Variants in TMEM106B observed in about 807,000 individuals in gnomAD.
The protein encoded by TMEM106B is transmembrane protein 106B.
Under a neutral mutation model 31.1 loss-of-function variants are expected in TMEM106B, and 15 were observed. The ratio of observed to expected loss-of-function variants is 0.48; its 90% CI spans 0.32 to 0.74. TMEM106B has a LOEUF of 0.74. Among genes scored for constraint, TMEM106B ranks in the 30% least tolerant of loss-of-function variants. TMEM106B has a pLI of 0.03. For missense variants in TMEM106B, 283 were observed against 327.3 expected (o/e 0.86, Z 1.04); for synonymous variants, 126 against 112.5 (o/e 1.12, Z -0.76).
At chr7:12,226,144 C>G (rs1334914472) in intron 4 of TMEM106B, among the ~76,000 whole-genome samples, 2 of 143,784 alleles carry the variant, frequency 1.4e-5, no homozygotes, top group African/African-American at 5.2e-5. Context: ...TTTCCCCATT[C>G]TTGTTTTTGT....
chr7:12,228,336 C>T (rs1001678981), intron 4 of TMEM106B, among the ~76,000 whole-genome samples: 1 of 151,652 alleles, frequency 6.6e-6, no homozygotes, highest in African/African-American at 2.4e-5. Context: ...TTTATGTATA[C>T]TCACATATTC....
rs1782205286 is a variant in TMEM106B at position 12,239,635 on chromosome 7, TTA to T, written c.*7661_*7662del. 2.6e-5 allele frequency: 4 copies of T among 152,118 alleles called. No homozygotes were observed. The highest frequency in any genetic ancestry group is 9.7e-5 in the African/African-American group (4 of 41,430). 9.4% of individuals were successfully genotyped at this position (152,118 alleles called of 1,614,324 possible). ...GTGACTCTTCCTTTTACTTGAACAG[TTA>T]GAGGCTATTGTAGGATTATTAATTG... On this transcript the variant is annotated 3_prime_UTR_variant, in exon 8 of 8. Coordinates refer to ENST00000396668, the MANE Select transcript of TMEM106B (RefSeq NM_001134232.2).
At chr7:12,218,972 A>G (rs974708418) in intron 3 of TMEM106B, among the ~76,000 whole-genome samples, 2 of 152,176 alleles carry the variant, frequency 1.3e-5, no homozygotes, top group Non-Finnish European at 2.9e-5. Context: ...ACTTTGTCCC[A>G]AAAGAAGAGG....
At chr7:12,220,142 AAAAC>A (rs1332650403) in intron 3 of TMEM106B, among the ~76,000 whole-genome samples, 1 of 152,218 alleles carries the variant, frequency 6.6e-6, no homozygotes, top group Non-Finnish European at 1.5e-5. Context: ...TCAGGAAAAT[AAAAC>A]AAACCAAGGA....
chr7:12,221,495 G>C (rs915425759), intron 3 of TMEM106B, among the ~76,000 whole-genome samples: 1 of 152,132 alleles, frequency 6.6e-6, no homozygotes, highest in Non-Finnish European at 1.5e-5. Flanking sequence ...GACCCAAATA[G>C]AATAATGCCT....
Position 12,243,190 on chromosome 7 carries a change from T to C in TMEM106B, c.*11215T>C, listed in dbSNP as rs1324156325. The C allele has an allele frequency of 6.6e-6, 1 of 152,114 alleles. No individual in the cohort carries two copies. Among genetic ancestry groups the C allele is most frequent in the African/African-American group, 2.4e-5 (1 of 41,460 alleles). 9.4% of individuals were successfully genotyped at this position (152,114 alleles called of 1,614,324 possible). On this transcript the variant is annotated 3_prime_UTR_variant, in exon 8 of 8. Coordinates refer to ENST00000396668, the MANE Select transcript of TMEM106B (RefSeq NM_001134232.2). ...AGGAGGCCATTACATTACTGTTGTATTAAAAAGTCAGTTCAGGCTTAATAT... is the reference window on the plus strand; with the variant it reads ...AGGAGGCCATTACATTACTGTTGTACTAAAAAGTCAGTTCAGGCTTAATAT...
rs1330832752 is a variant in TMEM106B, at chr7:12,235,039, T to C, written c.*3064T>C. 3 of 152,198 alleles carry C rather than the reference T, an allele frequency of 2.0e-5. No individual in the cohort carries two copies. The highest frequency in any genetic ancestry group is 4.4e-5 in the Non-Finnish European group (3 of 67,824). 9.4% of individuals were successfully genotyped at this position (152,198 alleles called of 1,614,324 possible). On this transcript the variant is annotated 3_prime_UTR_variant, in exon 8 of 8. Coordinates refer to ENST00000396668, the MANE Select transcript of TMEM106B (RefSeq NM_001134232.2). The stretch of plus-strand genomic sequence containing the variant: ...TCCCTGCTGACTCAGATTGGTATGA[T>C]TAAAAATGAGAGGAAAGTTCAAATA...
At chr7:12,228,617 C>G (rs13230513) in intron 4 of TMEM106B, among the ~76,000 whole-genome samples, 1 of 151,534 alleles carries the variant, frequency 6.6e-6, no homozygotes, top group East Asian at 1.9e-4. Context: ...TCTGTGGAAT[C>G]GGTGCTCAGA....
Position 12,233,860 on chromosome 7 carries a change from A to G in TMEM106B, c.*1885A>G, listed in dbSNP as rs1233372409. 6.6e-6 allele frequency: 1 copy of G among 151,494 alleles called. No homozygotes were observed. The highest frequency in any genetic ancestry group is 1.5e-5 in the Non-Finnish European group (1 of 67,664). The allele number at this position is 151,494 out of a possible 1,614,324, so 9.4% of individuals were successfully genotyped here. On this transcript the variant is annotated 3_prime_UTR_variant, in exon 8 of 8. Coordinates refer to ENST00000396668, the MANE Select transcript of TMEM106B (RefSeq NM_001134232.2). ...CAAAATTTTTAATTATGTGACTTCA[A>G]AAATCACCTGTATCTGTAGTAGGGC...
intron 2 of TMEM106B, chr7:12,215,792 G>T: frequency 5.7e-6 from 1 of 174,026 alleles, no homozygotes; most frequent in South Asian, 1.7e-4. Context: ...AAGAAACTCT[G>T]TGAAGAGGGA....
chr7:12,230,225 A>T lies in TMEM106B; in HGVS notation c.583-164A>T, dbSNP rs1781992737. 3 of 677,822 alleles carry T rather than the reference A, an allele frequency of 4.4e-6. 1 individual carries two copies. In the Admixed American group the frequency reaches 7.7e-5, roughly 17 times the overall value. 42.0% of individuals were successfully genotyped at this position (677,822 alleles called of 1,614,324 possible). The stretch of plus-strand genomic sequence containing the variant: ...AGTGAGATCCTGTCTCAAAAAAGAA[A>T]AAAAAGAAAAAGAAATGTGTCTTAT... On this transcript the variant is annotated intron_variant, in intron 5 of 7. Coordinates refer to ENST00000396668, the MANE Select transcript of TMEM106B (RefSeq NM_001134232.2).
At chr7:12,231,416 T>C (rs1782020241) in intron 7 of TMEM106B, 2 of 292,712 alleles carry the variant, frequency 6.8e-6, no homozygotes, top group Non-Finnish European at 1.3e-5. Flanking sequence ...CAAATAGTCA[T>C]TAACAGTAAT....
At chr7:12,230,994 TAGG>T in intron 6 of TMEM106B, 65 bp from the exon 7 acceptor site, 2 of 1,093,926 alleles carry the variant, frequency 1.8e-6, no homozygotes, top group East Asian at 2.4e-5. Flanking sequence ...AGCTTTAAGA[TAGG>T]AGGGAGAATT....
chr7:12,229,084 A>G (rs981807961), intron 4 of TMEM106B, among the ~76,000 whole-genome samples: 3 of 152,058 alleles, frequency 2.0e-5, no homozygotes, highest in African/African-American at 7.2e-5. Flanking sequence ...TTTTGGTATG[A>G]CTGTTACAGA....
rs991862543 is a variant in TMEM106B at position 12,221,468 on chromosome 7, T to C, written c.282-2758T>C. On this transcript the variant is annotated intron_variant, in intron 3 of 7. Coordinates refer to ENST00000396668, the MANE Select transcript of TMEM106B (RefSeq NM_001134232.2). ...CCAAAGAGATACAAAATCAAAGAAA[T>C]TGAATTTTCCACTTTTGACCCAAAT... 5.9e-5 allele frequency among the ~76,000 whole-genome samples: 9 copies of C among 152,246 alleles called. No individual in the cohort carries two copies. The East Asian group carries it at 1.5e-3, about 26-fold the overall frequency.
chr7:12,227,841 A>G (rs925903555), intron 4 of TMEM106B, among the ~76,000 whole-genome samples: 6 of 151,744 alleles, frequency 4.0e-5, no homozygotes, highest in Non-Finnish European at 7.4e-5. Context: ...ATTCTGTCTT[A>G]TTTTTTCTTT....
chr7:12,218,334 T>C, intron 2 of TMEM106B, 124 bp from the exon 3 acceptor site: 1 of 638,368 alleles, frequency 1.6e-6, no homozygotes, highest in Non-Finnish European at 2.5e-6. Context: ...GACTTAGCAA[T>C]TTACTAAAGG....
chr7:12,225,158 G>A (rs137900300), intron 4 of TMEM106B, among the ~76,000 whole-genome samples: 4,707 of 152,082 alleles, frequency 0.031, 244 homozygotes, highest in African/African-American at 0.11. Context: ...TAGAATGATG[G>A]TTTCCAGCTT....
chr7:12,225,806 T>C (rs1343486580), intron 4 of TMEM106B, among the ~76,000 whole-genome samples: 1 of 152,190 alleles, frequency 6.6e-6, no homozygotes, highest in East Asian at 1.9e-4. Context: ...TTCTTTAGGT[T>C]GCCTGTTCCC....
Sources: gnomAD v4.1 joint callset for allele counts (sites outside exome capture counted in the v4.1 genomes callset) on GRCh38, gnomAD v4.1.1 for gene constraint, MANE v1.5 for transcripts, NCBI Gene and HGNC (gene_info 2026-07-23, HGNC 2026-07-21) for gene names.